PITPNB: variants seen among roughly 807,000 people sequenced by gnomAD.
PITPNB encodes phosphatidylinositol transfer protein beta.
Under a neutral mutation model 45.9 loss-of-function variants are expected in PITPNB, and 16 were observed. That is an observed-to-expected ratio of 0.35 (90% CI 0.24 to 0.53). The LOEUF (loss-of-function observed/expected upper bound fraction) is 0.53, where lower values mean the gene tolerates loss of function less well. Among genes scored for constraint, PITPNB ranks in the 20% least tolerant of loss-of-function variants. The pLI, the probability that PITPNB is intolerant of heterozygous loss-of-function variation, is 0.93. For missense variants in PITPNB, 188 were observed against 330.5 expected (o/e 0.57, Z 3.34); for synonymous variants, 112 against 108.9 (o/e 1.03, Z -0.18).
At chr22:27,868,552 G>A (rs908807767) in intron 8 of PITPNB, among the ~76,000 whole-genome samples, 8 of 152,156 alleles carry the variant, frequency 5.3e-5, no homozygotes, top group Non-Finnish European at 7.4e-5. Context: ...TGGCCTCTAC[G>A]GCTGTTCTAG....
At chr22:27,898,428 T>A (rs1601416864) in intron 3 of PITPNB, among the ~76,000 whole-genome samples, 1 of 146,338 alleles carries the variant, frequency 6.8e-6, no homozygotes, top group East Asian at 2.0e-4. Context: ...TGTGTGTGGT[T>A]TTTTTTTTTT....
chr22:27,878,180 C>T (rs951275395), intron 7 of PITPNB, among the ~76,000 whole-genome samples: 2 of 151,970 alleles, frequency 1.3e-5, no homozygotes, highest in Non-Finnish European at 2.9e-5. Flanking sequence ...AAAATAAAGC[C>T]CAGGATGGGG....
intron 7 of PITPNB, among the ~76,000 whole-genome samples, chr22:27,880,122 AG>A (rs1934926995): frequency 6.6e-6 from 1 of 152,136 alleles, no homozygotes; most frequent in Non-Finnish European, 1.5e-5. Flanking sequence ...CACCACCACT[AG>A]GGGCAGGGAA....
intron 11 of PITPNB, 100 bp from the exon 12 acceptor site, chr22:27,853,763 T>C (rs1934093076): frequency 1.2e-6 from 1 of 823,868 alleles, no homozygotes; most frequent in African/African-American, 1.7e-5. Context: ...TCAAAACTTT[T>C]GGCAGAAAAT....
At chr22:27,915,252 C>G (rs778584264) in intron 1 of PITPNB, among the ~76,000 whole-genome samples, 5 of 152,160 alleles carry the variant, frequency 3.3e-5, no homozygotes, top group Non-Finnish European at 7.3e-5. Context: ...CTTTCCTAAT[C>G]TTATCTGTCA....
intron 7 of PITPNB, among the ~76,000 whole-genome samples, chr22:27,876,510 C>G (rs1934824218): frequency 6.6e-6 from 1 of 152,120 alleles, no homozygotes; most frequent in South Asian, 2.1e-4. Context: ...TTCTGTTTTA[C>G]GTTAGTTTGA....
chr22:27,855,629 G>A (rs1366725594), intron 10 of PITPNB, among the ~76,000 whole-genome samples: 6 of 152,194 alleles, frequency 3.9e-5, no homozygotes, highest in Non-Finnish European at 8.8e-5. Flanking sequence ...CGGAACCGGA[G>A]GTGCCAGTTA....
At chr22:27,903,057 G>A (rs1935647872) in intron 3 of PITPNB, among the ~76,000 whole-genome samples, 1 of 152,052 alleles carries the variant, frequency 6.6e-6, no homozygotes. Flanking sequence ...ACACTATCAA[G>A]AAAGTGAAAA....
At chr22:27,863,739 C>T (rs1934403182) in intron 8 of PITPNB, among the ~76,000 whole-genome samples, 1 of 152,106 alleles carries the variant, frequency 6.6e-6, no homozygotes, top group African/African-American at 2.4e-5. Flanking sequence ...AAGGAGTAAG[C>T]TAAATGTAAT....
At chr22:27,906,187 C>G (rs1004201605) in intron 3 of PITPNB, among the ~76,000 whole-genome samples, 4 of 151,998 alleles carry the variant, frequency 2.6e-5, no homozygotes, top group Non-Finnish European at 5.9e-5. Flanking sequence ...ATGAGAGGCC[C>G]CAGCATAAGG....
At chr22:27,915,353 T>C (rs1472890065) in intron 1 of PITPNB, among the ~76,000 whole-genome samples, 1 of 152,188 alleles carries the variant, frequency 6.6e-6, no homozygotes, top group African/African-American at 2.4e-5. Context: ...AAGAGTCATT[T>C]AGCTTATTGT....
chr22:27,902,144 G>A (rs1009245144), intron 3 of PITPNB, among the ~76,000 whole-genome samples: 7 of 152,134 alleles, frequency 4.6e-5, no homozygotes, highest in African/African-American at 1.7e-4. Flanking sequence ...TGGGCAATCA[G>A]TAAGTGGAGC....
At chr22:27,856,964 G>C (rs367907679) in intron 10 of PITPNB, among the ~76,000 whole-genome samples, 89 of 152,154 alleles carry the variant, frequency 5.8e-4, no homozygotes, top group African/African-American at 2.1e-3. Context: ...ACACAGAAGT[G>C]GGAGAGAGGC....
intron 3 of PITPNB, among the ~76,000 whole-genome samples, chr22:27,909,564 A>G (rs1935860275): frequency 6.6e-6 from 1 of 152,146 alleles, no homozygotes; most frequent in Admixed American, 6.5e-5. Context: ...AAGAAATACA[A>G]ATTTTAACAA....
intron 1 of PITPNB, 184 bp downstream of exon 1, chr22:27,918,988 C>G: frequency 2.4e-6 from 2 of 843,088 alleles, no homozygotes; most frequent in Non-Finnish European, 4.0e-6. Context: ...CACGGCAATG[C>G]CTGGAGGGCC....
In PITPNB at chr22:27,914,325, C is replaced by G. The variant is rs1408843558; in HGVS notation, c.43G>C (p.Val15Leu). ...KEFRVVLPCS[V>L]QEYQVGQLYS... ...AAGCAAGAAAAACTCACCTCCTGAA[C>G]AGAACATGGCAAAACCACACGGCTA... Residue 15 changes from valine to leucine, a missense_variant, in exon 2 of 12, where the codon GTT (valine) becomes CTT (leucine). Coordinates refer to ENST00000335272, the MANE Select transcript of PITPNB (RefSeq NM_012399.5). 1 of 1,594,836 alleles carries G rather than the reference C, an allele frequency of 6.3e-7. No homozygotes were observed. The highest frequency in any genetic ancestry group is 8.6e-7 in the Non-Finnish European group (1 of 1,163,514).
intron 3 of PITPNB, among the ~76,000 whole-genome samples, chr22:27,899,586 G>A (rs1229463586): frequency 6.6e-6 from 1 of 152,152 alleles, no homozygotes; most frequent in East Asian, 1.9e-4. Flanking sequence ...GCCTCCCAAA[G>A]TGCTGGTATT....
At chr22:27,871,881 G>C (rs1175002422) in intron 8 of PITPNB, among the ~76,000 whole-genome samples, 1 of 152,012 alleles carries the variant, frequency 6.6e-6, no homozygotes, top group Non-Finnish European at 1.5e-5. Flanking sequence ...TTGGTGATAA[G>C]TGAGCTCTCA....
intron 3 of PITPNB, among the ~76,000 whole-genome samples, chr22:27,905,956 G>A (rs1387545696): frequency 1.3e-5 from 2 of 152,158 alleles, no homozygotes; most frequent in African/African-American, 4.8e-5. Flanking sequence ...CTCTTTCACT[G>A]CCATCTACTA....
Sources: gnomAD v4.1 joint callset for allele counts (sites outside exome capture counted in the v4.1 genomes callset) on GRCh38, gnomAD v4.1.1 for gene constraint, MANE v1.5 for transcripts, NCBI Gene and HGNC (gene_info 2026-07-23, HGNC 2026-07-21) for gene names.